TRAPPC6B: variants seen among roughly 807,000 people sequenced by gnomAD.
TRAPPC6B encodes the protein TRAPP complex subunit 6B.
Under a neutral mutation model 24.7 loss-of-function variants are expected in TRAPPC6B, and 27 were observed. The ratio of observed to expected loss-of-function variants is 1.09; its 90% confidence interval spans 0.81 to 1.51. The LOEUF (loss-of-function observed/expected upper bound fraction) is 1.51. TRAPPC6B is among the 40% of genes most tolerant of loss of function. The pLI, the probability that TRAPPC6B is intolerant of heterozygous loss-of-function variation, is 0.00. For missense variants in TRAPPC6B, 212 were observed against 190.8 expected, an observed-to-expected ratio of 1.11 and a Z score of -0.66; for synonymous variants, 80 against 66.6, an observed-to-expected ratio of 1.20 and a Z score of -0.98.
At chr14:39,155,042 C>A (rs1307888921) in intron 3 of TRAPPC6B, among the ~76,000 whole-genome samples, 1 of 152,040 alleles carries the variant, frequency 6.6e-6, no homozygotes, top group Non-Finnish European at 1.5e-5. Context: ...AATTCTCTTG[C>A]CTCAGCCTTC....
At chr14:39,152,333 A>T (rs976108695) in intron 4 of TRAPPC6B, among the ~76,000 whole-genome samples, 1 of 152,356 alleles carries the variant, frequency 6.6e-6, no homozygotes, top group East Asian at 1.9e-4. Flanking sequence ...TGACTTGTTC[A>T]AGACTTATAG....
chr14:39,167,225 T>A (rs913396319), intron 1 of TRAPPC6B, among the ~76,000 whole-genome samples: 4 of 152,206 alleles, frequency 2.6e-5, no homozygotes, highest in African/African-American at 9.6e-5. Flanking sequence ...CACCATAAAT[T>A]GAGAAATGCC....
intron 3 of TRAPPC6B, chr14:39,157,655 G>A (rs557116544): frequency 3.2e-5 from 11 of 340,460 alleles, no homozygotes; most frequent in South Asian, 7.5e-5. Flanking sequence ...AAGAAGACCC[G>A]CACCACTGTC....
Position 39,148,564 on chromosome 14 carries a change from A to G in TRAPPC6B, c.*1786T>C, listed in dbSNP as rs1050867627. On this transcript the variant is annotated 3_prime_UTR_variant, in exon 6 of 6. Transcript: ENST00000330149. ...ATTTGAACCCAGCTTTTTCACACAC[A>G]CAATTCTCACACCTGTTTTATTTTG... The G allele has an allele frequency of 5.0e-6, 2 of 397,982 alleles. No individual in the cohort carries two copies. The highest frequency in any genetic ancestry group is 8.9e-6 in the Non-Finnish European group (2 of 225,802). The allele number at this position is 397,982 out of a possible 1,614,324, so 24.7% of individuals were successfully genotyped here. A position where few individuals can be genotyped will look rare whatever the true frequency, so the allele number is the denominator to read the frequency against.
intron 1 of TRAPPC6B, among the ~76,000 whole-genome samples, chr14:39,161,676 G>A (rs73291565): frequency 0.014 from 2,058 of 152,196 alleles, 56 homozygotes; most frequent in African/African-American, 0.048. Flanking sequence ...CTCTCTTACC[G>A]TAGATGGCAC....
rs756361025 is a variant in TRAPPC6B, at chr14:39,158,373, T to C, written c.179A>G (p.Asp60Gly). Residue 60 changes from aspartate to glycine, a missense_variant, in exon 3 of 6, where the codon GAT becomes GGT. Transcript: ENST00000330149. Reference protein sequence around the residue: ...RFTKDTARFKDELDIMKFICK... With the variant: ...RFTKDTARFKGELDIMKFICK... ...AATGAACTTCATGATATCTAACTCA[T>C]CCTTGAACCTTGCAGTATCTTTTGT... is the stretch of plus-strand genomic sequence containing the variant. The C allele has an allele frequency of 1.2e-6, 2 of 1,600,050 alleles. No homozygotes were observed. The highest frequency in any genetic ancestry group is 2.3e-5 in the South Asian group (2 of 87,548).
rs543389204 is a variant in TRAPPC6B, at chr14:39,151,825, C to T, written c.366G>A (p.Thr122=). ...ATAAGCCACCTCTGATTAAGCCACA[C>T]GTAAATGCTAAATACTAAAAGGAAA... ...LEHASKYLAF[T]CGLIRGGLSN... Residue 122 remains threonine, a synonymous_variant, in exon 5 of 6, where the codon ACG becomes ACA. Transcript: ENST00000330149. 19 of 1,602,112 alleles carry T rather than the reference C, an allele frequency of 1.2e-5. No individual in the cohort carries two copies. The South Asian group carries it at 1.3e-4, about 11-fold the overall frequency.
chr14:39,166,008 T>A (rs1189883239), intron 1 of TRAPPC6B, among the ~76,000 whole-genome samples: 4 of 152,192 alleles, frequency 2.6e-5, no homozygotes, highest in Non-Finnish European at 5.9e-5. Context: ...TTCACCATGT[T>A]GGCCAGGCTG....
intron 1 of TRAPPC6B, 68 bp downstream of exon 1, chr14:39,169,947 G>A (rs2053150068): frequency 1.3e-6 from 2 of 1,530,020 alleles, no homozygotes; most frequent in African/African-American, 1.4e-5. Flanking sequence ...AGGGGTTGAA[G>A]GAAAGCACTG....
At chr14:39,153,245 A>G (rs1283339901) in intron 4 of TRAPPC6B, among the ~76,000 whole-genome samples, 1 of 149,098 alleles carries the variant, frequency 6.7e-6, no homozygotes, top group Non-Finnish European at 1.5e-5. Flanking sequence ...TGAGTCTCAC[A>G]CTCTGTCCGA....
Position 39,149,374 on chromosome 14 carries a change from T to C in TRAPPC6B, c.*976A>G, listed in dbSNP as rs777005864. On this transcript the variant is annotated 3_prime_UTR_variant, in exon 6 of 6. Coordinates refer to ENST00000330149, the MANE Select transcript of TRAPPC6B (RefSeq NM_001079537.2). ...GGTAATAAATAAATGGGAAACAAAG[T>C]ATAGTTTTAGTAATCAACATGCAAG... The C allele has an allele frequency of 2.0e-5, 3 of 152,132 alleles. No homozygotes were observed. The highest frequency in any genetic ancestry group is 2.9e-5 in the Non-Finnish European group (2 of 68,024). The allele number at this position is 152,132 out of a possible 1,614,324, so 9.4% of individuals were successfully genotyped here. A position where few individuals can be genotyped will look rare whatever the true frequency, so the allele number is the denominator to read the frequency against.
rs891236984 is a variant in TRAPPC6B, at chr14:39,170,193, C to T, written c.-98G>A. On this transcript the variant is annotated 5_prime_UTR_variant, in exon 1 of 6. Coordinates refer to ENST00000330149, the MANE Select transcript of TRAPPC6B (RefSeq NM_001079537.2). ...CAGCGACTTCGCCGGCGCCGCGGCTCCGTCAGGCCGCCATTCTATCCCTGT... is the reference window on the plus strand; with the variant it reads ...CAGCGACTTCGCCGGCGCCGCGGCTTCGTCAGGCCGCCATTCTATCCCTGT... 2.3e-5 allele frequency: 26 copies of T among 1,152,242 alleles called. No homozygotes were observed. Among genetic ancestry groups the T allele is most frequent in the Non-Finnish European group, 3.2e-5 (25 of 783,504 alleles). The allele number at this position is 1,152,242 out of a possible 1,614,324, so 71.4% of individuals were successfully genotyped here.
chr14:39,155,956 A>AT (rs61344249), intron 3 of TRAPPC6B, among the ~76,000 whole-genome samples: 4,532 of 151,576 alleles, frequency 0.03, 226 homozygotes, highest in African/African-American at 0.1. Context: ...GCCTGGTGAA[A>AT]TTTTTTTCAA....
chr14:39,170,315 T>G lies in TRAPPC6B; in HGVS notation c.-220A>C. On this transcript the variant is annotated 5_prime_UTR_variant, in exon 1 of 6. Coordinates refer to ENST00000330149, the MANE Select transcript of TRAPPC6B (RefSeq NM_001079537.2). The stretch of plus-strand genomic sequence containing the variant: ...CCCACACTTCGGGGCTACCAAATCC[T>G]AGGGCCGAACTAAAGTCTGACGGGA... 6 of 561,928 alleles carry G rather than the reference T, an allele frequency of 1.1e-5. No homozygotes were observed. The highest frequency in any genetic ancestry group is 1.6e-5 in the Non-Finnish European group (5 of 319,748). 34.8% of individuals were successfully genotyped at this position (561,928 alleles called of 1,614,324 possible).
chr14:39,158,301 A>G lies in TRAPPC6B; in HGVS notation c.251T>C (p.Leu84Pro). The change falls in exon 3 of 6, where the codon CTA becomes CCA. Residue 84 changes from leucine (L) to proline (P), a missense_variant. Transcript: ENST00000330149. Reference sequence around the variant, plus strand: ...TTTAATTACCTGATGATTTGTCCTTAGATTGTCGATTTGTTTCTTGAATAC... The same window carrying G: ...TTTAATTACCTGATGATTTGTCCTTGGATTGTCGATTTGTTTCTTGAATAC... ...TTVFKKQIDN[L>P]RTNHQGIYVL... 6.3e-7 allele frequency: 1 copy of G among 1,581,834 alleles called. No individual in the cohort carries two copies. Among genetic ancestry groups the G allele is most frequent in the Non-Finnish European group, 8.6e-7 (1 of 1,162,702 alleles).
Position 39,160,166 on chromosome 14 carries a change from T to C in TRAPPC6B, c.82-616A>G, listed in dbSNP as rs575914312. 3.3e-5 allele frequency among the ~76,000 whole-genome samples: 5 copies of C among 152,160 alleles called. No individual in the cohort carries two copies. The South Asian group carries it at 6.2e-4, about 19-fold the overall frequency. ...TTAAAACCACTTGGAAGGCCATCTC[T>C]ATAGAAGTGATTTTCCCAGGATAGT... is the stretch of plus-strand genomic sequence containing the variant. On this transcript the variant is annotated intron_variant, in intron 1 of 5. Transcript: ENST00000330149.
In TRAPPC6B at chr14:39,163,056, G is replaced by A. The variant is rs1252790293; in HGVS notation, c.82-3506C>T. ...AAAAGTGCAACATCATACCCCTTTG[G>A]CAACTCTCTATCCTAGTGATTTTAA... is the stretch of plus-strand genomic sequence containing the variant. On this transcript the variant is annotated intron_variant, in intron 1 of 5. Coordinates refer to ENST00000330149, the MANE Select transcript of TRAPPC6B (RefSeq NM_001079537.2). Among the ~76,000 whole-genome samples the A allele has an allele frequency of 2.0e-5, 3 of 150,568 alleles. No individual in the cohort carries two copies. In the South Asian group the frequency reaches 6.2e-4, roughly 31 times the overall value.
At position 39,153,244 on chromosome 14, in the gene TRAPPC6B, C is replaced by T. The variant is rs1170958897; in HGVS notation, c.351+967G>A. The stretch of plus-strand genomic sequence containing the variant: ...GAGGCAGAGGTTGCAGTGAGTCTCA[C>T]ACTCTGTCCGAAAAAAAAAAAAAAG... On this transcript the variant is annotated intron_variant, in intron 4 of 5. Coordinates refer to ENST00000330149, the MANE Select transcript of TRAPPC6B (RefSeq NM_001079537.2). Among the ~76,000 whole-genome samples, 5 of 146,550 alleles carry T rather than the reference C, an allele frequency of 3.4e-5. No individual in the cohort carries two copies. The East Asian group carries it at 8.1e-4, about 24-fold the overall frequency.
chr14:39,164,850 A>C (rs924845429), intron 1 of TRAPPC6B, among the ~76,000 whole-genome samples: 14 of 152,094 alleles, frequency 9.2e-5, no homozygotes, highest in African/African-American at 3.1e-4. Flanking sequence ...ACAAACCAAC[A>C]AACAAACAAA....
Sources: allele counts gnomAD v4.1 joint callset (sites outside exome capture counted in the v4.1 genomes callset), GRCh38; gene constraint gnomAD v4.1.1; transcripts MANE v1.5; gene names NCBI Gene and HGNC (gene_info 2026-07-23, HGNC 2026-07-21).